PCDH7: variants seen among roughly 807,000 people sequenced by gnomAD.
PCDH7 encodes protocadherin 7.
Under a neutral mutation model 58.9 loss-of-function variants are expected in PCDH7, and 17 were observed. That is an observed-to-expected ratio of 0.29 (90% confidence interval 0.20 to 0.43). The LOEUF is 0.43. PCDH7 is among the 20% of genes least tolerant of loss of function. The pLI is 1.00. For missense variants in PCDH7, 1,274 were observed against 1,441.0 expected (o/e 0.88, Z 1.88); for synonymous variants, 664 against 616.4 (o/e 1.08, Z -1.14).
At chr4:30,961,264 G>A (rs34347677) in intron 3 of PCDH7, among the ~76,000 whole-genome samples, 28,614 of 151,594 alleles carry the variant, frequency 0.19, 3,402 homozygotes, top group East Asian at 0.26. Context: ...ACCTTGGCAC[G>A]CCGGGCACGG....
chr4:30,958,182 G>A (rs1748047604), intron 3 of PCDH7, among the ~76,000 whole-genome samples: 2 of 152,026 alleles, frequency 1.3e-5, no homozygotes, highest in South Asian at 4.1e-4. Flanking sequence ...TAATTAGTAA[G>A]ATAGTTTGCT....
chr4:30,845,034 C>A (rs1731734108), intron 1 of PCDH7, among the ~76,000 whole-genome samples: 1 of 152,142 alleles, frequency 6.6e-6, no homozygotes, highest in Non-Finnish European at 1.5e-5. Flanking sequence ...AACCACTAAT[C>A]TTCAGGGGAG....
intron 1 of PCDH7, among the ~76,000 whole-genome samples, chr4:30,755,150 C>G (rs1176705010): frequency 1.3e-5 from 2 of 152,160 alleles, no homozygotes; most frequent in Non-Finnish European, 2.9e-5. Flanking sequence ...ACAGACCTCA[C>G]CGAGTATCTC....
intron 3 of PCDH7, among the ~76,000 whole-genome samples, chr4:31,116,936 A>G (rs1042510454): frequency 6.6e-6 from 1 of 152,150 alleles, no homozygotes; most frequent in Non-Finnish European, 1.5e-5. Context: ...CCTGGGTTCA[A>G]GTGATTCTCC....
intron 3 of PCDH7, among the ~76,000 whole-genome samples, chr4:31,138,069 G>A (rs143820592): frequency 6.6e-6 from 1 of 152,202 alleles, no homozygotes; most frequent in Non-Finnish European, 1.5e-5. Context: ...TCTCTAATGG[G>A]TTCTGAATTA....
chr4:30,967,800 A>G (rs1018693179), intron 3 of PCDH7, among the ~76,000 whole-genome samples: 3 of 152,132 alleles, frequency 2.0e-5, no homozygotes, highest in African/African-American at 7.2e-5. Flanking sequence ...AACATTTAGT[A>G]CCCAATCTAT....
At chr4:31,046,547 AT>A (rs1359501649) in intron 3 of PCDH7, among the ~76,000 whole-genome samples, 5 of 151,776 alleles carry the variant, frequency 3.3e-5, no homozygotes, top group African/African-American at 9.7e-5. Flanking sequence ...AAAATGTTTA[AT>A]TTTTTTTCAA....
At chr4:30,933,038 T>C (rs901483644) in intron 2 of PCDH7, among the ~76,000 whole-genome samples, 36 of 151,824 alleles carry the variant, frequency 2.4e-4, no homozygotes, top group Admixed American at 4.6e-4. Context: ...TCTTTCTTTT[T>C]TTTTTTTGAG....
chr4:30,875,304 A>G (rs982545428), intron 1 of PCDH7, among the ~76,000 whole-genome samples: 1 of 151,982 alleles, frequency 6.6e-6, no homozygotes, highest in Middle Eastern at 3.2e-3. Flanking sequence ...GTAATATTGA[A>G]TTAGGGCGTG....
chr4:30,996,905 A>G (rs557229377), intron 3 of PCDH7, among the ~76,000 whole-genome samples: 118 of 152,292 alleles, frequency 7.7e-4, no homozygotes, highest in African/African-American at 2.7e-3. Flanking sequence ...CAATGATTAA[A>G]TTGTTTTCTT....
intron 1 of PCDH7, among the ~76,000 whole-genome samples, chr4:30,895,865 G>A (rs1197639926): frequency 6.6e-6 from 1 of 152,168 alleles, no homozygotes; most frequent in Admixed American, 6.5e-5. Flanking sequence ...AAGCACAGGA[G>A]GGAATGTGAG....
At chr4:31,076,381 T>C (rs1006017636) in intron 3 of PCDH7, among the ~76,000 whole-genome samples, 3 of 152,218 alleles carry the variant, frequency 2.0e-5, no homozygotes, top group Admixed American at 6.5e-5. Flanking sequence ...AAGAAACACA[T>C]TTAAAAATGC....
intron 1 of PCDH7, among the ~76,000 whole-genome samples, chr4:30,839,742 T>C (rs1338236118): frequency 6.6e-6 from 1 of 152,150 alleles, no homozygotes; most frequent in Non-Finnish European, 1.5e-5. Flanking sequence ...AGCAGTATTG[T>C]ACTAAAAGCC....
intron 3 of PCDH7, among the ~76,000 whole-genome samples, chr4:30,974,234 T>TTC (rs1560546226): frequency 1.6e-4 from 14 of 84,924 alleles, no homozygotes; most frequent in African/African-American, 1.0e-3. Flanking sequence ...CTTTCTTTCT[T>TTC]TTTCTTTCTT....
chr4:31,008,615 A>C (rs879583591), intron 3 of PCDH7, among the ~76,000 whole-genome samples: 5 of 152,082 alleles, frequency 3.3e-5, no homozygotes, highest in Non-Finnish European at 5.9e-5. Context: ...CCTCTTAAAA[A>C]AAATAGCAGC....
intron 3 of PCDH7, among the ~76,000 whole-genome samples, chr4:31,082,441 A>G (rs887589944): frequency 2.6e-5 from 4 of 152,216 alleles, no homozygotes; most frequent in Non-Finnish European, 4.4e-5. Flanking sequence ...AGTTTTGGCC[A>G]ACTATATTTA....
intron 3 of PCDH7, among the ~76,000 whole-genome samples, chr4:31,111,813 T>C (rs1716353323): frequency 6.6e-6 from 1 of 152,226 alleles, no homozygotes; most frequent in Admixed American, 6.5e-5. Flanking sequence ...TTACATTCTT[T>C]TCTCTTATGC....
At chr4:30,980,432 G>A (rs572858018) in intron 3 of PCDH7, among the ~76,000 whole-genome samples, 2 of 151,908 alleles carry the variant, frequency 1.3e-5, no homozygotes, top group South Asian at 2.1e-4. Flanking sequence ...TAGCTATTGG[G>A]GAAAAACATG....
intron 3 of PCDH7, among the ~76,000 whole-genome samples, chr4:31,071,779 C>A (rs568642814): frequency 6.6e-6 from 1 of 151,830 alleles, no homozygotes; most frequent in East Asian, 1.9e-4. Context: ...TTGTTCTTTT[C>A]AAAAAAGACT....
Sources: gnomAD v4.1 joint callset for allele counts (sites outside exome capture counted in the v4.1 genomes callset) on GRCh38, gnomAD v4.1.1 for gene constraint, MANE v1.5 for transcripts, NCBI Gene and HGNC (gene_info 2026-07-23, HGNC 2026-07-21) for gene names.